TEX26: variants seen among roughly 807,000 people sequenced by gnomAD.
TEX26 encodes the protein testis-expressed protein 26.
Under a neutral mutation model 35.3 loss-of-function variants are expected in TEX26, and 34 were observed. The observed-to-expected ratio is 0.96, with a 90% CI of 0.73 to 1.28. The LOEUF (loss-of-function observed/expected upper bound fraction) is 1.28, where lower values mean the gene tolerates loss of function less well. Among genes scored for constraint, TEX26 ranks in the 50% most tolerant of loss-of-function variants. TEX26 has a pLI of 0.00. For missense variants in TEX26, 371 were observed against 330.1 expected (o/e 1.12, Z -0.96); for synonymous variants, 136 against 111.8 (o/e 1.22, Z -1.36).
intron 1 of TEX26, chr13:30,936,805 A>G (rs1394241413): frequency 2.0e-6 from 2 of 985,348 alleles, no homozygotes; most frequent in Admixed American, 1.2e-4. Flanking sequence ...GATATGAGCT[A>G]CACAAAAGGA....
intron 3 of TEX26, among the ~76,000 whole-genome samples, chr13:30,953,074 C>T (rs552692088): frequency 4.6e-5 from 7 of 152,056 alleles, no homozygotes; most frequent in Non-Finnish European, 1.0e-4. Flanking sequence ...ATAAAATTAA[C>T]CTTTTAAAGT....
At chr13:30,959,424 C>T (rs1954255320) in intron 4 of TEX26, among the ~76,000 whole-genome samples, 1 of 152,114 alleles carries the variant, frequency 6.6e-6, no homozygotes, top group Non-Finnish European at 1.5e-5. Flanking sequence ...TTTGGCTATC[C>T]TATAACTCTG....
chr13:30,968,827 A>C, intron 5 of TEX26, 58 bp from the exon 6 acceptor site: 1 of 1,554,858 alleles, frequency 6.4e-7, no homozygotes, highest in Non-Finnish European at 8.8e-7. Context: ...AATAAGGGCA[A>C]GACTGGTGTG....
intron 6 of TEX26, 114 bp downstream of exon 6, chr13:30,969,160 T>A: frequency 1.1e-6 from 1 of 943,996 alleles, no homozygotes; most frequent in Non-Finnish European, 1.5e-6. Flanking sequence ...AATGAAAACA[T>A]TGCCTCAAAA....
intron 4 of TEX26, among the ~76,000 whole-genome samples, chr13:30,963,580 T>C (rs1370273604): frequency 2.0e-5 from 3 of 152,226 alleles, no homozygotes; most frequent in African/African-American, 7.2e-5. Flanking sequence ...CACTAGAGTG[T>C]ACTTCAGATA....
chr13:30,940,435 G>A (rs1490334383), intron 2 of TEX26, among the ~76,000 whole-genome samples: 2 of 142,228 alleles, frequency 1.4e-5, no homozygotes, highest in East Asian at 2.2e-4. Flanking sequence ...CTGGGTTCAC[G>A]CCATTCTCCT....
chr13:30,972,101 G>A (rs1954731298), intron 6 of TEX26, among the ~76,000 whole-genome samples: 1 of 152,196 alleles, frequency 6.6e-6, no homozygotes, highest in Non-Finnish European at 1.5e-5. Context: ...TGTAATCAAA[G>A]TAATCTTCGG....
intron 2 of TEX26, among the ~76,000 whole-genome samples, chr13:30,946,946 C>T (rs1307543187): frequency 1.3e-5 from 2 of 152,050 alleles, no homozygotes; most frequent in African/African-American, 4.8e-5. Context: ...ATTTCTTTCT[C>T]TTCTTGAACT....
intron 4 of TEX26, among the ~76,000 whole-genome samples, chr13:30,959,475 T>G (rs1032645301): frequency 6.6e-6 from 1 of 152,376 alleles, no homozygotes; most frequent in Admixed American, 6.5e-5. Flanking sequence ...ATAATTATAT[T>G]ACAGATTTCT....
In TEX26 at chr13:30,957,043, T is replaced by G; in HGVS notation, c.469+14T>G. 6.2e-7 allele frequency: 1 copy of G among 1,610,598 alleles called. No homozygotes were observed. Among genetic ancestry groups the G allele is most frequent in the Non-Finnish European group, 8.5e-7 (1 of 1,177,368 alleles). ...ACAGATCAAAAGGTAAACACTTTTG[T>G]TTTTCTTTTTTTCCTGGGTCATGTG... On this transcript the variant is annotated intron_variant, in intron 4 of 6. Transcript: ENST00000380473.
intron 5 of TEX26, among the ~76,000 whole-genome samples, chr13:30,966,803 C>T (rs1372204977): frequency 6.6e-6 from 1 of 152,162 alleles, no homozygotes; most frequent in Non-Finnish European, 1.5e-5. Flanking sequence ...AACTTCTCAA[C>T]ACAGAGGGCG....
chr13:30,935,881 A>G (rs1953256129), intron 1 of TEX26, among the ~76,000 whole-genome samples: 1 of 152,224 alleles, frequency 6.6e-6, no homozygotes, highest in Non-Finnish European at 1.5e-5. Flanking sequence ...CCAGCCAGAA[A>G]AATCAACACC....
intron 2 of TEX26, among the ~76,000 whole-genome samples, chr13:30,944,861 T>G (rs1274509528): frequency 6.6e-6 from 1 of 152,024 alleles, no homozygotes; most frequent in African/African-American, 2.4e-5. Flanking sequence ...TTGTGGCCTA[T>G]TGTATGGTCT....
At chr13:30,967,687 T>A (rs1316172257) in intron 5 of TEX26, among the ~76,000 whole-genome samples, 1 of 152,228 alleles carries the variant, frequency 6.6e-6, no homozygotes, top group East Asian at 1.9e-4. Context: ...CTGGAAGGTG[T>A]TCTTAAGGTT....
chr13:30,960,893 G>A (rs1017787454), intron 4 of TEX26, among the ~76,000 whole-genome samples: 1 of 152,146 alleles, frequency 6.6e-6, no homozygotes, highest in African/African-American at 2.4e-5. Context: ...TAAAGTGGGT[G>A]CACACAAAAT....
intron 1 of TEX26, chr13:30,933,254 T>C (rs1953143198): frequency 6.5e-6 from 1 of 152,976 alleles, no homozygotes; most frequent in South Asian, 2.1e-4. Flanking sequence ...ACGCCCTCCC[T>C]GGGCTGTCGC....
chr13:30,950,088 C>T (rs1402170912), intron 2 of TEX26, among the ~76,000 whole-genome samples: 2 of 152,006 alleles, frequency 1.3e-5, no homozygotes, highest in African/African-American at 4.8e-5. Flanking sequence ...CAGTTTTATC[C>T]AGTGAATCTT....
chr13:30,975,139 G>T lies in TEX26; in HGVS notation c.*232G>T, dbSNP rs1954839907. 3.2e-6 allele frequency: 1 copy of T among 311,426 alleles called. No individual in the cohort carries two copies. Among genetic ancestry groups the T allele is most frequent in the Admixed American group, 5.1e-5 (1 of 19,488 alleles). The allele number at this position is 311,426 out of a possible 1,614,324, so 19.3% of individuals were successfully genotyped here. A position where few individuals can be genotyped will look rare whatever the true frequency, so the allele number is the denominator to read the frequency against. Reference sequence around the variant, plus strand: ...TGTATCCAATAGTTTTTGATACAATGTTTTTTTCTTTTCCCTTTTGGATAC... The same window carrying T: ...TGTATCCAATAGTTTTTGATACAATTTTTTTTTCTTTTCCCTTTTGGATAC... On this transcript the variant is annotated 3_prime_UTR_variant, in exon 7 of 7. Coordinates refer to ENST00000380473, the MANE Select transcript of TEX26 (RefSeq NM_152325.3).
intron 2 of TEX26, among the ~76,000 whole-genome samples, chr13:30,940,365 GCT>G (rs1416172025): frequency 9.4e-6 from 1 of 106,542 alleles, no homozygotes; most frequent in Non-Finnish European, 1.7e-5. Flanking sequence ...ACAGAGTCTC[GCT>G]CTGTCGCCCA....
Sources: allele counts gnomAD v4.1 joint callset (sites outside exome capture counted in the v4.1 genomes callset), GRCh38; gene constraint gnomAD v4.1.1; transcripts MANE v1.5; gene names NCBI Gene and HGNC (gene_info 2026-07-23, HGNC 2026-07-21).